DCC: variants seen among roughly 807,000 people sequenced by gnomAD.
DCC encodes the protein netrin receptor DCC.
DCC carries 58 observed loss-of-function variants against 172.5 expected under a neutral mutation model. The observed-to-expected ratio is 0.34, with a 90% CI of 0.27 to 0.42. The LOEUF (loss-of-function observed/expected upper bound fraction) is 0.42. DCC is among the 10% of genes least tolerant of loss of function. The pLI, the probability that DCC is intolerant of heterozygous loss-of-function variation, is 1.00. For missense variants in DCC, 1,740 were observed against 1,791.0 expected (o/e 0.97, Z 0.51); for synonymous variants, 709 against 644.5 (o/e 1.10, Z -1.52).
At chr18:52,496,052 G>A (rs909663604) in intron 1 of DCC, among the ~76,000 whole-genome samples, 1 of 152,012 alleles carries the variant, frequency 6.6e-6, no homozygotes, top group Admixed American at 6.6e-5. Flanking sequence ...ATTTTAATAT[G>A]CTATGTACCA....
intron 1 of DCC, among the ~76,000 whole-genome samples, chr18:52,466,283 G>A (rs1301797907): frequency 6.6e-6 from 1 of 152,094 alleles, no homozygotes; most frequent in Non-Finnish European, 1.5e-5. Context: ...TGTCCATGGT[G>A]GGTCTAACAT....
intron 1 of DCC, among the ~76,000 whole-genome samples, chr18:52,691,643 C>T (rs2035931387): frequency 6.6e-6 from 1 of 152,122 alleles, no homozygotes; most frequent in Non-Finnish European, 1.5e-5. Flanking sequence ...GTTCAGTGCC[C>T]ACTGTAATCC....
chr18:52,731,583 T>C (rs1421908630), intron 1 of DCC, among the ~76,000 whole-genome samples: 5 of 152,172 alleles, frequency 3.3e-5, no homozygotes. Flanking sequence ...AGACATAGTA[T>C]ATTAGAACCA....
At chr18:53,272,313 T>G (rs1417546629) in intron 12 of DCC, among the ~76,000 whole-genome samples, 1 of 152,150 alleles carries the variant, frequency 6.6e-6, no homozygotes, top group East Asian at 1.9e-4. Context: ...GATTTATTAA[T>G]AAAATATTTG....
rs187426075 is a variant in DCC, at chr18:52,420,109, G to A, written c.91+79231G>A. ...AATGTCCACATTATTTTTCGGTTTT[G>A]CATATCCTGTACATTTTTAAATAAT... is the stretch of plus-strand genomic sequence containing the variant. On this transcript the variant is annotated intron_variant, in intron 1 of 28. Transcript: ENST00000442544. Among the ~76,000 whole-genome samples the A allele has an allele frequency of 1.4e-4, 21 of 152,222 alleles. No individual in the cohort carries two copies. The East Asian group carries it at 3.9e-3, about 28-fold the overall frequency.
chr18:53,405,152 C>T (rs2145042819), intron 19 of DCC, among the ~76,000 whole-genome samples: 1 of 150,308 alleles, frequency 6.7e-6, no homozygotes, highest in East Asian at 1.9e-4. Flanking sequence ...TTGCTATTCT[C>T]AGCTTCCTGT....
Position 52,923,871 on chromosome 18 carries a change from A to T in DCC, c.848+14A>T. 1.2e-6 allele frequency: 2 copies of T among 1,605,702 alleles called. No individual in the cohort carries two copies. Among genetic ancestry groups the T allele is most frequent in the South Asian group, 2.2e-5 (2 of 90,974 alleles). ...CATCCAACTCAGGTATTTCACATTT[A>T]AGACTTTTTTGTAAAGTGTACTTTT... On this transcript the variant is annotated intron_variant, in intron 4 of 28. Coordinates refer to ENST00000442544, the MANE Select transcript of DCC (RefSeq NM_005215.4).
At chr18:53,382,269 T>G (rs1167205400) in intron 15 of DCC, among the ~76,000 whole-genome samples, 1 of 152,140 alleles carries the variant, frequency 6.6e-6, no homozygotes, top group Non-Finnish European at 1.5e-5. Context: ...AATGTTTACA[T>G]TTTTGGTGCA....
chr18:53,069,677 G>A (rs1227713905), intron 7 of DCC, among the ~76,000 whole-genome samples: 1 of 151,172 alleles, frequency 6.6e-6, no homozygotes, highest in Non-Finnish European at 1.5e-5. Flanking sequence ...CTTTTGAAAG[G>A]ACAAGCTGAG....
chr18:52,705,708 T>C (rs1568053579), intron 1 of DCC, among the ~76,000 whole-genome samples: 1 of 152,198 alleles, frequency 6.6e-6, no homozygotes, highest in Non-Finnish European at 1.5e-5. Context: ...AACCACATCA[T>C]TGAGCTGAGT....
intron 1 of DCC, among the ~76,000 whole-genome samples, chr18:52,355,825 C>G (rs1984338379): frequency 1.3e-5 from 2 of 152,072 alleles, no homozygotes; most frequent in Non-Finnish European, 2.9e-5. Context: ...AGGAGAGAAA[C>G]AGAACATGAT....
At chr18:52,632,419 A>T (rs1323832678) in intron 1 of DCC, among the ~76,000 whole-genome samples, 1 of 152,196 alleles carries the variant, frequency 6.6e-6, no homozygotes, top group African/African-American at 2.4e-5. Context: ...TAATTTAGTG[A>T]AATTTGACTT....
chr18:53,355,013 A>C (rs919528286), intron 15 of DCC, among the ~76,000 whole-genome samples: 4 of 151,942 alleles, frequency 2.6e-5, no homozygotes, highest in African/African-American at 7.3e-5. Flanking sequence ...TTTTCCCAGC[A>C]CCATTTATTA....
chr18:53,364,682 T>C (rs568512521), intron 15 of DCC, among the ~76,000 whole-genome samples: 1 of 152,308 alleles, frequency 6.6e-6, no homozygotes, highest in Non-Finnish European at 1.5e-5. Context: ...CTTCTCTTTT[T>C]CATACATGTA....
intron 1 of DCC, among the ~76,000 whole-genome samples, chr18:52,353,626 A>C (rs1463425530): frequency 6.6e-6 from 1 of 152,220 alleles, no homozygotes; most frequent in Non-Finnish European, 1.5e-5. Context: ...TTTGAAGAAG[A>C]GTAAAGCTTT....
At chr18:53,528,011 T>C (rs1348528519) in intron 28 of DCC, among the ~76,000 whole-genome samples, 1 of 152,138 alleles carries the variant, frequency 6.6e-6, no homozygotes, top group Non-Finnish European at 1.5e-5. Flanking sequence ...AAATGAAGTC[T>C]TCTGCAAAAT....
intron 1 of DCC, among the ~76,000 whole-genome samples, chr18:52,719,975 T>G (rs1466302047): frequency 6.6e-6 from 1 of 152,092 alleles, no homozygotes; most frequent in Non-Finnish European, 1.5e-5. Context: ...CCCAGAAAGT[T>G]AGAAGAAGAG....
chr18:53,271,769 A>G (rs1259564853), intron 12 of DCC, among the ~76,000 whole-genome samples: 1 of 152,136 alleles, frequency 6.6e-6, no homozygotes, highest in Non-Finnish European at 1.5e-5. Context: ...GGATTACACA[A>G]GAGTAAGGGG....
At chr18:53,451,499 C>T (rs2045412102) in intron 23 of DCC, among the ~76,000 whole-genome samples, 1 of 152,160 alleles carries the variant, frequency 6.6e-6, no homozygotes, top group Non-Finnish European at 1.5e-5. Context: ...TTCAGCTACA[C>T]TCTCTCACTG....
Sources: allele counts gnomAD v4.1 joint callset (sites outside exome capture counted in the v4.1 genomes callset), GRCh38; gene constraint gnomAD v4.1.1; transcripts MANE v1.5; gene names NCBI Gene and HGNC (gene_info 2026-07-23, HGNC 2026-07-21).